ARHGEF26: variants seen among roughly 807,000 people sequenced by gnomAD.
The protein encoded by ARHGEF26 is Rho guanine nucleotide exchange factor (GEF) 26.
ARHGEF26 carries 59 observed loss-of-function variants against 89.4 expected under a neutral mutation model. The observed-to-expected ratio is 0.66, with a 90% CI of 0.54 to 0.82. The LOEUF (loss-of-function observed/expected upper bound fraction) is 0.82, where lower values mean the gene tolerates loss of function less well. ARHGEF26 is among the 40% of genes least tolerant of loss of function. The pLI, the probability that ARHGEF26 is intolerant of heterozygous loss-of-function variation, is 0.00. For synonymous variants in ARHGEF26, 500 were observed against 428.4 expected (o/e 1.17, Z -2.06); for missense variants, 1,234 against 1,085.6 (o/e 1.14, Z -1.92).
chr3:154,122,937 G>A lies in ARHGEF26; in HGVS notation c.945G>A (p.Thr315=), dbSNP rs1208482371. The change falls in exon 2 of 15, where the codon ACG becomes ACA. Residue 315 remains threonine (T), a synonymous_variant. Transcript: ENST00000465093. Reference sequence around the variant, plus strand: ...CTCTGCGGAGAGGCTTGCGGTCCACGTCTTATCGCAGGGCAGTGGTCAGTG... The same window carrying A: ...CTCTGCGGAGAGGCTTGCGGTCCACATCTTATCGCAGGGCAGTGGTCAGTG... The part of the protein sequence containing the change: ...PGSLRRGLRS[T]SYRRAVVSGF... The A allele has an allele frequency of 1.9e-6, 3 of 1,613,476 alleles. No homozygotes were observed. Among genetic ancestry groups the A allele is most frequent in the Non-Finnish European group, 1.7e-6 (2 of 1,179,692 alleles).
intron 8 of ARHGEF26, among the ~76,000 whole-genome samples, chr3:154,193,509 T>C (rs529063814): frequency 6.6e-6 from 1 of 152,050 alleles, no homozygotes; most frequent in East Asian, 1.9e-4. Flanking sequence ...AACTACTTTC[T>C]ACCTCTGCCT....
intron 11 of ARHGEF26, among the ~76,000 whole-genome samples, chr3:154,234,659 C>T (rs1374927005): frequency 2.6e-5 from 4 of 152,184 alleles, no homozygotes; most frequent in African/African-American, 4.8e-5. Flanking sequence ...TGTGTCAACT[C>T]GCAAACCCAC....
At position 154,240,417 on chromosome 3, in the gene ARHGEF26, T is replaced by C; in HGVS notation, c.2138T>C (p.Leu713Ser). 1 of 1,613,668 alleles carries C rather than the reference T, an allele frequency of 6.2e-7. No individual in the cohort carries two copies. Among genetic ancestry groups the C allele is most frequent in the Non-Finnish European group, 8.5e-7 (1 of 1,179,748 alleles). Residue 713 changes from leucine (L) to serine (S), a missense_variant, in exon 12 of 15, where the codon TTG becomes TCG. Leu to Ser is a moderately radical substitution (Grantham distance 145). Coordinates refer to ENST00000465093, the MANE Select transcript of ARHGEF26 (RefSeq NM_015595.4). Reference sequence around the variant, plus strand: ...GATTATTCCTTAAGAGATCAGCTATTGGTGGAATCTTGTGACAATGAAGAG... The same window carrying C: ...GATTATTCCTTAAGAGATCAGCTATCGGTGGAATCTTGTGACAATGAAGAG... The part of the protein sequence containing the change: ...VNDYSLRDQL[L>S]VESCDNEELN...
intron 6 of ARHGEF26, among the ~76,000 whole-genome samples, chr3:154,169,805 A>C (rs1712301431): frequency 6.6e-6 from 1 of 152,190 alleles, no homozygotes; most frequent in Non-Finnish European, 1.5e-5. Flanking sequence ...AACACTCAGA[A>C]AACAAAGTTA....
chr3:154,229,097 A>G (rs1716676676), intron 11 of ARHGEF26, among the ~76,000 whole-genome samples: 1 of 152,214 alleles, frequency 6.6e-6, no homozygotes, highest in African/African-American at 2.4e-5. Context: ...CAGTGCATGT[A>G]TCACTGCTTG....
intron 11 of ARHGEF26, among the ~76,000 whole-genome samples, chr3:154,232,753 C>T (rs1167135296): frequency 6.6e-6 from 1 of 152,118 alleles, no homozygotes; most frequent in Non-Finnish European, 1.5e-5. Context: ...CTGTTATTCC[C>T]ACTTTACAGA....
intron 12 of ARHGEF26, 71 bp from the exon 13 acceptor site, chr3:154,253,045 C>T: frequency 6.4e-7 from 1 of 1,557,038 alleles, no homozygotes; most frequent in Non-Finnish European, 8.8e-7. Context: ...TTTGCATTGG[C>T]TGCCTAGAAA....
chr3:154,225,057 TAA>T (rs33997555), intron 10 of ARHGEF26, among the ~76,000 whole-genome samples: 5 of 149,196 alleles, frequency 3.4e-5, no homozygotes, highest in Non-Finnish European at 3.0e-5. Context: ...TCTGGTAACT[TAA>T]AAAAAAAAAG....
At chr3:154,144,369 G>GT (rs1253115211) in intron 4 of ARHGEF26, among the ~76,000 whole-genome samples, 1 of 152,132 alleles carries the variant, frequency 6.6e-6, no homozygotes. Context: ...TTGTTACAGG[G>GT]TTTAGATGCA....
chr3:154,226,697 C>CACACACA (rs1559912631), intron 11 of ARHGEF26, among the ~76,000 whole-genome samples: 70 of 119,884 alleles, frequency 5.8e-4, no homozygotes, highest in African/African-American at 1.9e-3. Flanking sequence ...ACACACACAC[C>CACACACA]CCTTCAGCTC....
At chr3:154,250,528 G>A (rs565088408) in intron 12 of ARHGEF26, among the ~76,000 whole-genome samples, 1 of 152,230 alleles carries the variant, frequency 6.6e-6, no homozygotes, top group Non-Finnish European at 1.5e-5. Flanking sequence ...CAGGCAGCAT[G>A]CCACAGAAGT....
chr3:154,121,940 A>G lies in ARHGEF26; in HGVS notation c.-51-2A>G, dbSNP rs1717952424. On this transcript the variant is annotated splice_acceptor_variant, in intron 1 of 14. Coordinates refer to ENST00000465093, the MANE Select transcript of ARHGEF26 (RefSeq NM_015595.4). LOFTEE classifies it low-confidence loss of function (5UTR_SPLICE). ...CAGTTTCCTAACTTCTTTCCTCTTT[A>G]GGCAAGACTAACTCGGTGTTGCTCC... The G allele has an allele frequency of 6.5e-7, 1 of 1,531,224 alleles. No homozygotes were observed. The highest frequency in any genetic ancestry group is 2.3e-5 in the East Asian group (1 of 43,892). The allele number at this position is 1,531,224 out of a possible 1,614,324, so 94.9% of individuals were successfully genotyped here.
At chr3:154,157,062 T>C (rs1025906041) in intron 6 of ARHGEF26, among the ~76,000 whole-genome samples, 1 of 152,170 alleles carries the variant, frequency 6.6e-6, no homozygotes, top group Non-Finnish European at 1.5e-5. Context: ...TTTATGTAAG[T>C]TGACACTATT....
At chr3:154,234,942 T>C (rs1240749489) in intron 11 of ARHGEF26, among the ~76,000 whole-genome samples, 2 of 152,092 alleles carry the variant, frequency 1.3e-5, no homozygotes, top group African/African-American at 4.8e-5. Flanking sequence ...ATTTTTTGTA[T>C]TTTTAGAGAC....
In ARHGEF26 at chr3:154,256,572, AAAAC is replaced by A. The variant is rs1475156571; in HGVS notation, c.*1100_*1103del. Reference sequence around the variant, plus strand: ...TTAAAAAAAAAAAAAAAAAAAAAAAAAAACCTTCCCAAATGAGCTGATAAAAAAC... The same window carrying A: ...TTAAAAAAAAAAAAAAAAAAAAAAAACTTCCCAAATGAGCTGATAAAAAAC... On this transcript the variant is annotated 3_prime_UTR_variant, in exon 15 of 15. Coordinates refer to ENST00000465093, the MANE Select transcript of ARHGEF26 (RefSeq NM_015595.4). The A allele has an allele frequency of 1.2e-3, 1,190 of 981,668 alleles. 50 individuals carry two copies. The highest frequency in any genetic ancestry group is 5.8e-3 in the African/African-American group (307 of 53,376). 60.8% of individuals were successfully genotyped at this position (981,668 alleles called of 1,614,324 possible).
Position 154,122,518 on chromosome 3 carries a change from A to C in ARHGEF26, c.526A>C (p.Asn176His). 6.2e-7 allele frequency: 1 copy of C among 1,613,414 alleles called. No individual in the cohort carries two copies. Among genetic ancestry groups the C allele is most frequent in the Non-Finnish European group, 8.5e-7 (1 of 1,179,872 alleles). Residue 176 changes from asparagine to histidine, a missense_variant, in exon 2 of 15, where the codon AAT (asparagine) becomes CAT (histidine). By Grantham distance (68) the Asn-to-His change is moderately conservative. Coordinates refer to ENST00000465093, the MANE Select transcript of ARHGEF26 (RefSeq NM_015595.4). ...CAGCCCGGTGCCTTCGCCCACTGCA[A>C]ATGGCCTTGCCGCTAATAACGACTC... ...TASPVPSPTA[N>H]GLAANNDSPG...
Position 154,122,499 on chromosome 3 carries a change from G to C in ARHGEF26, c.507G>C (p.Pro169=), listed in dbSNP as rs368504534. The change falls in exon 2 of 15, where the codon CCG becomes CCC. Residue 169 remains proline, a synonymous_variant. Coordinates refer to ENST00000465093, the MANE Select transcript of ARHGEF26 (RefSeq NM_015595.4). ...ACCTTACTGGGTTGACTGCCAGCCC[G>C]GTGCCTTCGCCCACTGCAAATGGCC... ...EEDLTGLTAS[P]VPSPTANGLA... is the part of the protein sequence containing the mutation. 6.2e-7 allele frequency: 1 copy of C among 1,613,010 alleles called. No homozygotes were observed. The highest frequency in any genetic ancestry group is 1.1e-5 in the South Asian group (1 of 91,048).
Position 154,240,512 on chromosome 3 carries a change from T to G in ARHGEF26, c.2233T>G (p.Phe745Val), listed in dbSNP as rs998200190. The G allele has an allele frequency of 1.9e-6, 3 of 1,613,242 alleles. No homozygotes were observed. The African/African-American group carries it at 4.0e-5, about 22-fold the overall frequency. ...AAGACAGAGCTCTGCCAGTCACCTC[T>G]TTACTCTGACAGTCCTTAGTAACCA... Reference protein sequence around the residue: ...YSRQSSASHLFTLTVLSNHAN... With the variant: ...YSRQSSASHLVTLTVLSNHAN... The change falls in exon 12 of 15, where the codon TTT (phenylalanine) becomes GTT (valine). Residue 745 changes from phenylalanine (F) to valine (V), a missense_variant. Physicochemically the swap from Phe to Val is conservative, Grantham distance 50 (BLOSUM62 -1). Transcript: ENST00000465093.
chr3:154,231,682 C>T (rs1393911434), intron 11 of ARHGEF26, among the ~76,000 whole-genome samples: 2 of 152,104 alleles, frequency 1.3e-5, no homozygotes, highest in Non-Finnish European at 2.9e-5. Context: ...TAAACCTTTA[C>T]GTAATTGCTA....
Sources: gnomAD v4.1 joint callset for allele counts (sites outside exome capture counted in the v4.1 genomes callset) on GRCh38, gnomAD v4.1.1 for gene constraint, MANE v1.5 for transcripts, NCBI Gene and HGNC (gene_info 2026-07-23, HGNC 2026-07-21) for gene names.